Variants in JPH1 observed in about 807,000 individuals in gnomAD.
JPH1 encodes the protein junctophilin-1.
JPH1 carries 12 observed loss-of-function variants against 53.6 expected under a neutral mutation model. The observed-to-expected ratio is 0.22, with a 90% CI of 0.14 to 0.36. JPH1 has a LOEUF of 0.36. Ranked by LOEUF, JPH1 falls within the 10% of genes least tolerant of loss-of-function variation. The pLI is 1.00. For missense variants in JPH1, 808 were observed against 905.5 expected (o/e 0.89, Z 1.38); for synonymous variants, 375 against 363.8 (o/e 1.03, Z -0.35).
chr8:74,286,463 C>T (rs1208466708), intron 2 of JPH1, among the ~76,000 whole-genome samples: 1 of 152,092 alleles, frequency 6.6e-6, no homozygotes, highest in Admixed American at 6.5e-5. Flanking sequence ...TAAAAGTATA[C>T]ACTACATTGT....
At position 74,236,552 on chromosome 8, in the gene JPH1, C is replaced by A. The variant is rs1455967184; in HGVS notation, c.*499G>T. On this transcript the variant is annotated 3_prime_UTR_variant, in exon 6 of 6. Transcript: ENST00000342232. ...ATAGGAGTGAATGTTGGAACCACGT[C>A]CACAGCAACACAATCCTCCGACCGC... The A allele has an allele frequency of 6.6e-6, 1 of 152,442 alleles. No homozygotes were observed. The highest frequency in any genetic ancestry group is 1.5e-5 in the Non-Finnish European group (1 of 68,028). 9.4% of individuals were successfully genotyped at this position (152,442 alleles called of 1,614,324 possible). A position where few individuals can be genotyped will look rare whatever the true frequency, so the allele number is the denominator to read the frequency against.
chr8:74,257,356 T>C (rs995563476), intron 3 of JPH1, among the ~76,000 whole-genome samples: 5 of 152,208 alleles, frequency 3.3e-5, no homozygotes, highest in African/African-American at 1.2e-4. Context: ...AACCATTCAG[T>C]CTGGGAAACC....
chr8:74,306,957 G>T (rs1807854664), intron 2 of JPH1, among the ~76,000 whole-genome samples: 1 of 120,378 alleles, frequency 8.3e-6, no homozygotes, highest in Non-Finnish European at 1.8e-5. Context: ...CTTCAGAATA[G>T]TACCTGGGGC....
chr8:74,265,531 G>A (rs1291995631), intron 2 of JPH1, among the ~76,000 whole-genome samples: 4 of 152,066 alleles, frequency 2.6e-5, no homozygotes, highest in Non-Finnish European at 5.9e-5. Context: ...TTATTTATGG[G>A]TTGAGAAAAA....
rs1350550274 is a variant in JPH1 at position 74,235,597 on chromosome 8, TTAGA to T, written c.*1450_*1453del. On this transcript the variant is annotated 3_prime_UTR_variant, in exon 6 of 6. Transcript: ENST00000342232. The stretch of plus-strand genomic sequence containing the variant: ...TAATGTTTTATAAAGATTTAATAGA[TTAGA>T]TAGATATCTTTCTTCCCCTGATTTC... 6.5e-6 allele frequency: 1 copy of T among 152,744 alleles called. No homozygotes were observed. The highest frequency in any genetic ancestry group is 1.5e-5 in the Non-Finnish European group (1 of 68,032). The allele number at this position is 152,744 out of a possible 1,614,324, so 9.5% of individuals were successfully genotyped here.
chr8:74,258,797 T>A (rs1382047474), intron 3 of JPH1, among the ~76,000 whole-genome samples: 1 of 152,260 alleles, frequency 6.6e-6, no homozygotes, highest in Non-Finnish European at 1.5e-5. Flanking sequence ...TTTACTGCTA[T>A]CAGCTCAAAC....
At chr8:74,251,195 C>T (rs1269982198) in intron 3 of JPH1, among the ~76,000 whole-genome samples, 1 of 152,178 alleles carries the variant, frequency 6.6e-6, no homozygotes, top group African/African-American at 2.4e-5. Flanking sequence ...CTGGCTCAGG[C>T]TTCTCCTCCT....
chr8:74,293,903 A>G (rs1807416302), intron 2 of JPH1, among the ~76,000 whole-genome samples: 1 of 152,192 alleles, frequency 6.6e-6, no homozygotes, highest in South Asian at 2.1e-4. Flanking sequence ...CCGGGGGCCA[A>G]TTGACACCAA....
At chr8:74,308,989 C>T (rs186632486) in intron 2 of JPH1, among the ~76,000 whole-genome samples, 340 of 152,298 alleles carry the variant, frequency 2.2e-3, no homozygotes, top group African/African-American at 7.6e-3. Context: ...AAGTATGTAT[C>T]GTTTTTATAT....
At position 74,251,205 on chromosome 8, in the gene JPH1, T is replaced by C. The variant is rs1806043216; in HGVS notation, c.1259-6030A>G. On this transcript the variant is annotated intron_variant, in intron 3 of 5. Coordinates refer to ENST00000342232, the MANE Select transcript of JPH1 (RefSeq NM_020647.4). ...AGGTTCTGGCTCAGGCTTCTCCTCCTCTGGACAGTGTTGGGATGAACACTG... is the reference window on the plus strand; with the variant it reads ...AGGTTCTGGCTCAGGCTTCTCCTCCCCTGGACAGTGTTGGGATGAACACTG... Among the ~76,000 whole-genome samples the C allele has an allele frequency of 5.9e-5, 9 of 152,214 alleles. No individual in the cohort carries two copies. The South Asian group carries it at 1.9e-3, about 32-fold the overall frequency.
At chr8:74,240,207 A>T (rs1805653039) in intron 4 of JPH1, among the ~76,000 whole-genome samples, 1 of 152,124 alleles carries the variant, frequency 6.6e-6, no homozygotes, top group South Asian at 2.1e-4. Flanking sequence ...CCTGACCTCA[A>T]GTGATCCATC....
chr8:74,266,047 TAAAAC>T (rs1342164691), intron 2 of JPH1, among the ~76,000 whole-genome samples: 1 of 151,892 alleles, frequency 6.6e-6, no homozygotes, highest in Non-Finnish European at 1.5e-5. Context: ...CAGCTACTGT[TAAAAC>T]AGTATGGTGG....
rs549479117 is a variant in JPH1, at chr8:74,279,246, C to A, written c.1140-19743G>T. ...TAGCTCAACTTTGTTCAACATTTCC[C>A]ATATGGATCCAATTTCTTTGGGAGC... On this transcript the variant is annotated intron_variant, in intron 2 of 5. Transcript: ENST00000342232. Among the ~76,000 whole-genome samples, 79 of 152,314 alleles carry A rather than the reference C, an allele frequency of 5.2e-4. No individual in the cohort carries two copies. In the South Asian group the frequency reaches 0.016, roughly 31 times the overall value.
intron 2 of JPH1, among the ~76,000 whole-genome samples, chr8:74,270,754 G>A (rs1287270014): frequency 6.6e-6 from 1 of 152,196 alleles, no homozygotes. Flanking sequence ...TAGATTGTTA[G>A]TGGACTGCTT....
chr8:74,298,114 C>T (rs16938855), intron 2 of JPH1, among the ~76,000 whole-genome samples: 22,762 of 152,086 alleles, frequency 0.15, 2,239 homozygotes, highest in African/African-American at 0.28. Flanking sequence ...TATTCATATC[C>T]TCGGGAAGCT....
chr8:74,251,063 T>A (rs1389455609), intron 3 of JPH1, among the ~76,000 whole-genome samples: 1 of 152,186 alleles, frequency 6.6e-6, no homozygotes, highest in Non-Finnish European at 1.5e-5. Flanking sequence ...GCTAGCCTGA[T>A]ACATCCATTT....
chr8:74,245,314 G>A, intron 3 of JPH1, 139 bp from the exon 4 acceptor site: 1 of 741,124 alleles, frequency 1.3e-6, no homozygotes. Flanking sequence ...ATTCTCTGGG[G>A]AAAAGTTTAT....
At chr8:74,275,898 A>T (rs1024475080) in intron 2 of JPH1, among the ~76,000 whole-genome samples, 1 of 152,350 alleles carries the variant, frequency 6.6e-6, no homozygotes, top group African/African-American at 2.4e-5. Context: ...AAAGAGACCA[A>T]TTCTGGCCTT....
At chr8:74,253,961 G>T (rs1017377431) in intron 3 of JPH1, among the ~76,000 whole-genome samples, 1 of 152,042 alleles carries the variant, frequency 6.6e-6, no homozygotes, top group African/African-American at 2.4e-5. Context: ...TTCTACCAGA[G>T]GTACAAGGAG....
Sources: gnomAD v4.1 joint callset for allele counts (sites outside exome capture counted in the v4.1 genomes callset) on GRCh38, gnomAD v4.1.1 for gene constraint, MANE v1.5 for transcripts, NCBI Gene and HGNC (gene_info 2026-07-23, HGNC 2026-07-21) for gene names.